BLOC1S3: variants seen among roughly 807,000 people sequenced by gnomAD.
The protein encoded by BLOC1S3 is biogenesis of lysosome-related organelles complex 1 subunit 3.
BLOC1S3 carries 7 observed loss-of-function variants against 9.1 expected under a neutral mutation model. That is an observed-to-expected ratio of 0.77 (90% CI 0.44 to 1.45). The LOEUF (loss-of-function observed/expected upper bound fraction) is 1.45. Among genes scored for constraint, BLOC1S3 ranks in the 40% most tolerant of loss-of-function variants. BLOC1S3 has a pLI of 0.01. For synonymous variants in BLOC1S3, 145 were observed against 158.4 expected (o/e 0.92, Z 0.64); for missense variants, 307 against 315.2 (o/e 0.97, Z 0.20).
In BLOC1S3 at chr19:45,179,352, C is replaced by G; in HGVS notation, c.56C>G (p.Pro19Arg). The G allele has an allele frequency of 6.3e-7, 1 of 1,586,094 alleles. No homozygotes were observed. The highest frequency in any genetic ancestry group is 8.5e-7 in the Non-Finnish European group (1 of 1,174,614). The change falls in exon 2 of 2, where the codon CCG becomes CGG. Residue 19 changes from proline to arginine, a missense_variant. Pro to Arg is a moderately radical substitution (Grantham distance 103). Coordinates refer to ENST00000433642, the MANE Select transcript of BLOC1S3 (RefSeq NM_212550.5). This position sits in a 1 kb window ranked among gnomAD's most constrained non-coding sequence, Gnocchi z 4.6. The stretch of plus-strand genomic sequence containing the variant: ...CTGCGGAGGCCGGAGACGGTGGTGC[C>G]GGGGGAGGCGACCGAGACGGATTCC... ...RPLRRPETVV[P>R]GEATETDSER...
At chr19:45,210,170 G>A (rs1017041724) in intron 3 of BLOC1S3, among the ~76,000 whole-genome samples, 13 of 151,858 alleles carry the variant, frequency 8.6e-5, no homozygotes, top group African/African-American at 2.9e-4. Context: ...AGAGATTAGT[G>A]TCTGCTTAGG....
At chr19:45,200,519 T>C (rs1172351905) in intron 2 of BLOC1S3, among the ~76,000 whole-genome samples, 2 of 152,272 alleles carry the variant, frequency 1.3e-5, no homozygotes, top group Non-Finnish European at 2.9e-5. Flanking sequence ...TTCAATCTGT[T>C]TGGTTAATTT....
chr19:45,182,656 C>T (rs147096464), downstream of BLOC1S3, among the ~76,000 whole-genome samples: 11 of 152,022 alleles, frequency 7.2e-5, no homozygotes, highest in African/African-American at 2.7e-4. Flanking sequence ...AGTGAGACTC[C>T]ATCTCAAAAA....
At chr19:45,185,466 A>G (rs140911908), downstream of BLOC1S3, among the ~76,000 whole-genome samples, 253 of 152,306 alleles carry the variant, frequency 1.7e-3, no homozygotes, top group African/African-American at 5.9e-3. Flanking sequence ...CATCACCCTC[A>G]GATGTGCAGG....
intron 3 of BLOC1S3, among the ~76,000 whole-genome samples, chr19:45,211,069 T>C (rs995225899): frequency 9.9e-5 from 15 of 152,112 alleles, no homozygotes; most frequent in African/African-American, 2.9e-4. Context: ...TATGATCGTG[T>C]CATTGCACTC....
At chr19:45,206,449 A>ATTTTTTTTTTTTTTTTTT (rs1401665312) in intron 3 of BLOC1S3, among the ~76,000 whole-genome samples, 2 of 48,608 alleles carry the variant, frequency 4.1e-5, no homozygotes, top group Admixed American at 2.0e-4. Context: ...GGATTAATCA[A>ATTTTTTTTTTTTTTTTTT]GTTTTTTTTT....
At chr19:45,212,739 C>T (rs1969788295) in intron 3 of BLOC1S3, 2 of 224,274 alleles carry the variant, frequency 8.9e-6, no homozygotes, top group Non-Finnish European at 1.7e-5. Flanking sequence ...GGACTACAGG[C>T]ACACACCACC....
chr19:45,207,933 T>A (rs1969740115), intron 3 of BLOC1S3, among the ~76,000 whole-genome samples: 4 of 152,088 alleles, frequency 2.6e-5, no homozygotes. Context: ...TATAAGATGT[T>A]AGCATCAGGT....
rs1216560847 is a variant in BLOC1S3 at position 45,179,536 on chromosome 19, G to A, written c.240G>A (p.Leu80=). ...AACCGACGGCCGCGCCGAGGGACCT[G>A]CCTCCACTCGTGGTGCAGCGGGAAT... ...EPEPTAAPRD[L]PPLVVQRESA... is the part of the protein sequence containing the mutation. The change falls in exon 2 of 2, where the codon CTG becomes CTA. Residue 80 remains leucine, a synonymous_variant. Coordinates refer to ENST00000433642, the MANE Select transcript of BLOC1S3 (RefSeq NM_212550.5). This position sits in a 1 kb window ranked among gnomAD's most constrained non-coding sequence, Gnocchi z 4.6. 3.3e-6 allele frequency: 5 copies of A among 1,522,930 alleles called. No individual in the cohort carries two copies. The East Asian group carries it at 1.3e-4, about 39-fold the overall frequency. The allele number at this position is 1,522,930 out of a possible 1,614,324, so 94.3% of individuals were successfully genotyped here.
In BLOC1S3 at chr19:45,180,269, G is replaced by GTTTTTTTTTTT. The variant is rs1969501120; in HGVS notation, c.*365_*366insTTTTTTTTTTT. ...TTTTTTTTTTTTTTTTGGAGACAGG[G>GTTTTTTTTTTT]TGTTTATCTGTCACCCAGGCTAGAG... On this transcript the variant is annotated 3_prime_UTR_variant, in exon 2 of 2. Coordinates refer to ENST00000433642, the MANE Select transcript of BLOC1S3 (RefSeq NM_212550.5). The GTTTTTTTTTTT allele has an allele frequency of 6.6e-6, 1 of 152,252 alleles. No homozygotes were observed. The highest frequency in any genetic ancestry group is 3.3e-5 in the African/African-American group (1 of 30,254). 9.4% of individuals were successfully genotyped at this position (152,252 alleles called of 1,614,324 possible).
chr19:45,181,722 A>G lies in BLOC1S3; in HGVS notation c.*1817A>G, dbSNP rs2122889138. On this transcript the variant is annotated 3_prime_UTR_variant, in exon 2 of 2. Coordinates refer to ENST00000433642, the MANE Select transcript of BLOC1S3 (RefSeq NM_212550.5). The stretch of plus-strand genomic sequence containing the variant: ...TATCCCTGTCCCTCATCTCAACCCG[A>G]AGCCAAGATCTGAGCCCCCAAGATG... 1 of 167,146 alleles carries G rather than the reference A, an allele frequency of 6.0e-6. No individual in the cohort carries two copies. The highest frequency in any genetic ancestry group is 1.5e-5 in the Non-Finnish European group (1 of 68,130). 10.4% of individuals were successfully genotyped at this position (167,146 alleles called of 1,614,324 possible). A position where few individuals can be genotyped will look rare whatever the true frequency, so the allele number is the denominator to read the frequency against.
At position 45,181,003 on chromosome 19, in the gene BLOC1S3, G is replaced by A. The variant is rs1179454967; in HGVS notation, c.*1098G>A. The A allele has an allele frequency of 2.4e-5, 4 of 167,260 alleles. No individual in the cohort carries two copies. Among genetic ancestry groups the A allele is most frequent in the African/African-American group, 4.8e-5 (2 of 41,442 alleles). 10.4% of individuals were successfully genotyped at this position (167,260 alleles called of 1,614,324 possible). A position where few individuals can be genotyped will look rare whatever the true frequency, so the allele number is the denominator to read the frequency against. ...CACCTCCTAAAATGCTGGGATTACA[G>A]GCGTGGGCCACTGCGCCTAGCCAGC... is the stretch of plus-strand genomic sequence containing the variant. On this transcript the variant is annotated 3_prime_UTR_variant, in exon 2 of 2. Transcript: ENST00000433642.
chr19:45,210,787 AT>A (rs1969763656), intron 3 of BLOC1S3, among the ~76,000 whole-genome samples: 1 of 152,160 alleles, frequency 6.6e-6, no homozygotes, highest in Admixed American at 6.6e-5. Flanking sequence ...GAGGACCAAC[AT>A]CTGAAAAGTA....
chr19:45,179,312 C>T lies in BLOC1S3; in HGVS notation c.16C>T (p.Arg6Cys). The T allele has an allele frequency of 6.3e-7, 1 of 1,583,120 alleles. No individual in the cohort carries two copies. The highest frequency in any genetic ancestry group is 1.1e-5 in the South Asian group (1 of 88,608). Residue 6 changes from arginine to cysteine, a missense_variant, in exon 2 of 2, where the codon CGT (arginine) becomes TGT (cysteine). By Grantham distance (180) the Arg-to-Cys change is radical. Transcript: ENST00000433642. The surrounding 1 kb of genome is among the most constrained non-coding windows in gnomAD (Gnocchi z 4.6). The part of the protein sequence containing the change: MASQG[R>C]RRRPLRRPET... ...GTTCGGTGCCATGGCGTCCCAGGGT[C>T]GTCGGCGGAGGCCCCTGCGGAGGCC...
chr19:45,196,399 C>T (rs1969648784), intron 2 of BLOC1S3, among the ~76,000 whole-genome samples: 1 of 151,720 alleles, frequency 6.6e-6, no homozygotes, highest in Admixed American at 6.6e-5. Context: ...AACATGGTGT[C>T]CATGGTCCAG....
intron 3 of BLOC1S3, chr19:45,213,097 G>A (rs756646501): frequency 2.0e-6 from 3 of 1,527,154 alleles, no homozygotes; most frequent in Middle Eastern, 4.2e-4. Flanking sequence ...TCGCGCTAGA[G>A]ACGGAGGCCG....
intron 2 of BLOC1S3, among the ~76,000 whole-genome samples, chr19:45,189,235 G>A (rs370365781): frequency 5.7e-4 from 86 of 151,976 alleles, no homozygotes; most frequent in African/African-American, 1.8e-3. Context: ...GGCCAGCCTC[G>A]TCTCAAACTC....
chr19:45,178,990 G>A (rs1282410514), intron 1 of BLOC1S3, among the ~76,000 whole-genome samples, 159 bp downstream of exon 1: 2 of 152,204 alleles, frequency 1.3e-5, no homozygotes, highest in Non-Finnish European at 2.9e-5. Flanking sequence ...CAGGTGGAGG[G>A]TGTGGCCTCT....
At chr19:45,209,499 G>A (rs1424161831) in intron 3 of BLOC1S3, among the ~76,000 whole-genome samples, 1 of 151,940 alleles carries the variant, frequency 6.6e-6, no homozygotes, top group Non-Finnish European at 1.5e-5. Flanking sequence ...TCGGCTCACT[G>A]CAAGCTCCGC....
Sources: allele counts gnomAD v4.1 joint callset (sites outside exome capture counted in the v4.1 genomes callset), GRCh38; gene constraint gnomAD v4.1.1; non-coding constraint Gnocchi (gnomAD v3.1); transcripts MANE v1.5; gene names NCBI Gene and HGNC (gene_info 2026-07-23, HGNC 2026-07-21).